PLXDC2: variants seen among roughly 807,000 people sequenced by gnomAD.
PLXDC2 encodes the protein plexin domain containing 2.
PLXDC2 carries 40 observed loss-of-function variants against 68.9 expected under a neutral mutation model. The observed-to-expected ratio is 0.58, with a 90% confidence interval of 0.45 to 0.76. PLXDC2 has a LOEUF of 0.76. Among genes scored for constraint, PLXDC2 ranks in the 30% least tolerant of loss-of-function variants. PLXDC2 has a pLI of 0.00. For synonymous variants in PLXDC2, 243 were observed against 234.2 expected (o/e 1.04, Z -0.34); for missense variants, 644 against 661.9 (o/e 0.97, Z 0.30).
At chr10:20,129,604 A>G (rs532903727) in intron 4 of PLXDC2, among the ~76,000 whole-genome samples, 6 of 124,054 alleles carry the variant, frequency 4.8e-5, no homozygotes, top group Admixed American at 4.8e-4. Context: ...ATGTCAGGAA[A>G]CATTTTCCCT....
intron 10 of PLXDC2, among the ~76,000 whole-genome samples, chr10:20,213,569 A>G (rs1248881690): frequency 6.6e-6 from 1 of 152,146 alleles, no homozygotes; most frequent in Non-Finnish European, 1.5e-5. Context: ...ATCTATCAAT[A>G]CATCTTACTA....
At chr10:20,054,992 CTG>C (rs1835971271) in intron 3 of PLXDC2, among the ~76,000 whole-genome samples, 2 of 152,084 alleles carry the variant, frequency 1.3e-5, no homozygotes, top group Admixed American at 1.3e-4. Flanking sequence ...TAAACATACT[CTG>C]GCTTAAATAT....
intron 13 of PLXDC2, among the ~76,000 whole-genome samples, chr10:20,274,248 A>G (rs997124513): frequency 6.6e-6 from 1 of 152,206 alleles, no homozygotes; most frequent in African/African-American, 2.4e-5. Context: ...AAAATAATGC[A>G]CATTAAGTGT....
At chr10:19,871,436 G>A (rs1048538287) in intron 1 of PLXDC2, among the ~76,000 whole-genome samples, 1 of 152,062 alleles carries the variant, frequency 6.6e-6, no homozygotes, top group Non-Finnish European at 1.5e-5. Flanking sequence ...TTATTATAAG[G>A]TTTCCTTTTT....
At chr10:20,091,605 C>T (rs1353708913) in intron 4 of PLXDC2, 1 of 152,134 alleles carries the variant, frequency 6.6e-6, no homozygotes, top group Non-Finnish European at 1.5e-5. Context: ...TCCCCTTCTC[C>T]CGCACTGAGT....
intron 4 of PLXDC2, among the ~76,000 whole-genome samples, chr10:20,098,346 C>CGTGCGTGT (rs1554766418): frequency 2.7e-4 from 28 of 103,058 alleles, no homozygotes; most frequent in African/African-American, 9.3e-4. Context: ...CATTTTCGTG[C>CGTGCGTGT]GTGTGTGTGT....
chr10:20,059,526 AT>A (rs920282552), intron 3 of PLXDC2, among the ~76,000 whole-genome samples: 7 of 152,218 alleles, frequency 4.6e-5, no homozygotes, highest in African/African-American at 1.4e-4. Context: ...AATAGCCAGG[AT>A]TAATTAAGTT....
intron 5 of PLXDC2, among the ~76,000 whole-genome samples, chr10:20,147,018 A>T (rs1053691463): frequency 6.6e-6 from 1 of 151,754 alleles, no homozygotes; most frequent in Non-Finnish European, 1.5e-5. Flanking sequence ...CTTTTTTTTT[A>T]AAAAAAGAGA....
At chr10:20,211,894 TG>T (rs1835075069) in intron 10 of PLXDC2, among the ~76,000 whole-genome samples, 165 bp downstream of exon 10, 1 of 152,174 alleles carries the variant, frequency 6.6e-6, no homozygotes, top group South Asian at 2.1e-4. Flanking sequence ...CGATAACAGC[TG>T]GCTATTTTTG....
At chr10:20,266,713 G>T (rs1034157331) in intron 13 of PLXDC2, among the ~76,000 whole-genome samples, 1 of 152,102 alleles carries the variant, frequency 6.6e-6, no homozygotes, top group Non-Finnish European at 1.5e-5. Context: ...TCTCTTCTAA[G>T]AACTGGCTTT....
chr10:20,242,945 C>G (rs1835536997), intron 12 of PLXDC2, among the ~76,000 whole-genome samples: 1 of 152,206 alleles, frequency 6.6e-6, no homozygotes, highest in South Asian at 2.1e-4. Context: ...CTCCTGACCT[C>G]AGGTGATCCA....
chr10:20,208,582 G>A (rs1339287004), intron 9 of PLXDC2, among the ~76,000 whole-genome samples: 2 of 152,014 alleles, frequency 1.3e-5, no homozygotes, highest in South Asian at 2.1e-4. Context: ...TAATTTCAAT[G>A]GACTGGCAAA....
intron 1 of PLXDC2, among the ~76,000 whole-genome samples, chr10:19,979,406 T>A (rs1009803237): frequency 4.6e-5 from 7 of 150,728 alleles, no homozygotes; most frequent in Non-Finnish European, 1.0e-4. Flanking sequence ...TTAGACTGAG[T>A]CTTGCTTTGT....
intron 1 of PLXDC2, among the ~76,000 whole-genome samples, chr10:19,852,793 C>A (rs141681993): frequency 7.4e-4 from 113 of 152,244 alleles, no homozygotes; most frequent in African/African-American, 2.0e-3. Flanking sequence ...GTGCCCATTG[C>A]AAGACGCTTC....
At chr10:20,122,542 G>C (rs1036095757) in intron 4 of PLXDC2, among the ~76,000 whole-genome samples, 1 of 152,324 alleles carries the variant, frequency 6.6e-6, no homozygotes, top group South Asian at 2.1e-4. Flanking sequence ...GTGGAGTCCC[G>C]CACAGATGGG....
intron 2 of PLXDC2, among the ~76,000 whole-genome samples, chr10:20,025,919 C>T (rs1835393346): frequency 6.9e-6 from 1 of 145,464 alleles, no homozygotes; most frequent in African/African-American, 2.8e-5. Context: ...ATATTGCTGA[C>T]AATTCTAAGC....
chr10:20,241,144 A>G lies in PLXDC2; in HGVS notation c.1313-4201A>G, dbSNP rs540116141. 5.2e-3 allele frequency among the ~76,000 whole-genome samples: 793 copies of G among 152,274 alleles called. 5 individuals are homozygous for G. The highest frequency in any genetic ancestry group is 0.018 in the African/African-American group (750 of 41,548). ...CAGAAATGTAAAGGAACATTTTTTA[A>G]AAGGAGATAATGTCACTAAATTATT... On this transcript the variant is annotated intron_variant, in intron 12 of 13. Coordinates refer to ENST00000377252, the MANE Select transcript of PLXDC2 (RefSeq NM_032812.9).
At chr10:20,237,201 T>C (rs899880527) in intron 12 of PLXDC2, among the ~76,000 whole-genome samples, 1 of 152,130 alleles carries the variant, frequency 6.6e-6, no homozygotes, top group African/African-American at 2.4e-5. Flanking sequence ...TTCACAGTGA[T>C]TACCCTAATC....
chr10:20,266,246 G>A (rs1191945268), intron 13 of PLXDC2, among the ~76,000 whole-genome samples: 1 of 151,880 alleles, frequency 6.6e-6, no homozygotes, highest in Non-Finnish European at 1.5e-5. Flanking sequence ...TATAGAAAGA[G>A]GACCAGGTGG....
Sources: gnomAD v4.1 joint callset for allele counts (sites outside exome capture counted in the v4.1 genomes callset) on GRCh38, gnomAD v4.1.1 for gene constraint, MANE v1.5 for transcripts, NCBI Gene and HGNC (gene_info 2026-07-23, HGNC 2026-07-21) for gene names.